XPNPEP2: variants seen among roughly 807,000 people sequenced by gnomAD.
XPNPEP2 encodes xaa-Pro aminopeptidase 2.
A neutral mutation model predicts 59.8 loss-of-function variants in XPNPEP2; 64 were observed. The observed-to-expected ratio is 1.07, with a 90% confidence interval of 0.87 to 1.32. The LOEUF (loss-of-function observed/expected upper bound fraction) is 1.32. Ranked by LOEUF, XPNPEP2 falls within the 40% of genes most tolerant of loss-of-function variation. The probability of loss-of-function intolerance (pLI) is 0.00; values close to 1 mark genes in which losing one functional copy is unlikely to be tolerated. For missense variants in XPNPEP2, 575 were observed against 546.8 expected (o/e 1.05, Z -0.51); for synonymous variants, 235 against 210.0 (o/e 1.12, Z -1.03).
intron 14 of XPNPEP2, among the ~76,000 whole-genome samples, chrX:129,757,895 GAAAGAAA>G (rs1926577671): frequency 7.3e-5 from 1 of 13,771 alleles, no homozygotes; most frequent in Admixed American, 5.3e-4. Flanking sequence ...GAGAGAGAGA[GAAAGAAA>G]GAAAGAAAGA....
At chrX:129,752,868 A>T (rs1926446372) in intron 10 of XPNPEP2, among the ~76,000 whole-genome samples, 1 of 112,568 alleles carries the variant, frequency 8.9e-6, no homozygotes, top group Non-Finnish European at 1.9e-5. Flanking sequence ...ACTCTGATCC[A>T]TCCCAGAGTG....
At chrX:129,761,407 T>C (rs976452454) in intron 17 of XPNPEP2, 131 bp downstream of exon 17, 1 of 541,447 alleles carries the variant, frequency 1.8e-6, no homozygotes, top group Non-Finnish European at 2.9e-6. Flanking sequence ...GTTACCCAGC[T>C]CCACAGGGTA....
chrX:129,769,135 G>A lies in XPNPEP2; in HGVS notation c.*650G>A, dbSNP rs914588742. On this transcript the variant is annotated 3_prime_UTR_variant, in exon 21 of 21. Coordinates refer to ENST00000371106, the MANE Select transcript of XPNPEP2 (RefSeq NM_003399.6). Reference sequence around the variant, plus strand: ...GAACAAACTTGGGCAGCCGGAACCCGTCACTATTCTAGACTTCCCTGGCAT... The same window carrying A: ...GAACAAACTTGGGCAGCCGGAACCCATCACTATTCTAGACTTCCCTGGCAT... 5.3e-5 allele frequency: 6 copies of A among 112,514 alleles called. No homozygotes were observed. The highest frequency in any genetic ancestry group is 1.1e-4 in the Non-Finnish European group (6 of 53,283). 9.3% of individuals were successfully genotyped at this position (112,514 alleles called of 1,213,427 possible).
intron 1 of XPNPEP2, 34 bp from the exon 2 acceptor site, chrX:129,742,074 C>T (rs1006203512): frequency 8.4e-7 from 1 of 1,194,981 alleles, no homozygotes; most frequent in Non-Finnish European, 1.1e-6. Flanking sequence ...TAGCTGGTCC[C>T]CAAATGACCC....
chrX:129,759,136 C>T (rs1304843289), intron 14 of XPNPEP2, 44 bp from the exon 15 acceptor site: 2 of 1,206,171 alleles, frequency 1.7e-6, no homozygotes, highest in African/African-American at 3.5e-5. Context: ...TGGCCCCAGT[C>T]CCTAGCCCCA....
Position 129,746,302 on chromosome X carries a change from A to C in XPNPEP2, c.365A>C (p.Glu122Ala), listed in dbSNP as rs750944885. ...WTDSRYWTQA[E>A]RQMDCNWELH... Reference sequence around the variant, plus strand: ...GACAGTCGCTACTGGACTCAGGCTGAGCGGCAGATGGACTGCAACTGGGAG... The same window carrying C: ...GACAGTCGCTACTGGACTCAGGCTGCGCGGCAGATGGACTGCAACTGGGAG... Residue 122 changes from glutamate to alanine, a missense_variant, in exon 5 of 21, where the codon GAG becomes GCG. Glu to Ala is a moderately radical substitution (Grantham distance 107). Transcript: ENST00000371106. The C allele has an allele frequency of 1.7e-6, 2 of 1,211,148 alleles. No individual in the cohort carries two copies. The highest frequency in any genetic ancestry group is 2.2e-6 in the Non-Finnish European group (2 of 895,507).
At chrX:129,755,958 G>C (rs1456458798) in intron 13 of XPNPEP2, among the ~76,000 whole-genome samples, 3 of 111,987 alleles carry the variant, frequency 2.7e-5, no homozygotes, top group Non-Finnish European at 3.8e-5. Flanking sequence ...GTGGCAGGGT[G>C]GGTGCTCCTC....
intron 10 of XPNPEP2, among the ~76,000 whole-genome samples, 191 bp from the exon 11 acceptor site, chrX:129,752,968 A>C (rs1771601): frequency 0.14 from 15,949 of 111,786 alleles, 1,787 homozygotes; most frequent in African/African-American, 0.38. Flanking sequence ...GTTCAGCTGG[A>C]CGTGGAAAAC....
intron 16 of XPNPEP2, among the ~76,000 whole-genome samples, chrX:129,760,904 A>G (rs1040822425): frequency 8.9e-6 from 1 of 112,037 alleles, no homozygotes; most frequent in African/African-American, 3.3e-5. Flanking sequence ...ACAGATGGGG[A>G]GAAATTACAG....
At chrX:129,743,739 A>G (rs1926241909) in intron 2 of XPNPEP2, among the ~76,000 whole-genome samples, 1 of 109,813 alleles carries the variant, frequency 9.1e-6, no homozygotes, top group South Asian at 3.9e-4. Context: ...AAACTCTCCA[A>G]CACCTCCATC....
intron 1 of XPNPEP2, 125 bp from the exon 2 acceptor site, chrX:129,741,983 G>C (rs1490168980): frequency 5.3e-6 from 3 of 561,168 alleles, no homozygotes; most frequent in Non-Finnish European, 9.0e-6. Context: ...TCCTCAAGTA[G>C]AGCTGGCCAG....
Position 129,769,103 on chromosome X carries a change from G to A in XPNPEP2, c.*618G>A, listed in dbSNP as rs1364608726. 1 of 112,532 alleles carries A rather than the reference G, an allele frequency of 8.9e-6. No homozygotes were observed. 9.3% of individuals were successfully genotyped at this position (112,532 alleles called of 1,213,427 possible). On this transcript the variant is annotated 3_prime_UTR_variant, in exon 21 of 21. Coordinates refer to ENST00000371106, the MANE Select transcript of XPNPEP2 (RefSeq NM_003399.6). ...CACTCTGGAATATGACCCTACCAGA[G>A]GTTGGAGAACAAACTTGGGCAGCCG... is the stretch of plus-strand genomic sequence containing the variant.
intron 2 of XPNPEP2, among the ~76,000 whole-genome samples, chrX:129,742,401 C>T (rs2124012475): frequency 9.3e-6 from 1 of 107,149 alleles, no homozygotes; most frequent in South Asian, 4.3e-4. Context: ...CATCAGTGCC[C>T]TCCCCTCCCT....
intron 3 of XPNPEP2, 54 bp downstream of exon 3, chrX:129,744,125 C>T: frequency 9.6e-7 from 1 of 1,042,031 alleles, no homozygotes; most frequent in Non-Finnish European, 1.3e-6. Flanking sequence ...GGTCAGAGAC[C>T]ACAAACAGGA....
intron 7 of XPNPEP2, chrX:129,748,014 C>T: frequency 2.4e-6 from 1 of 414,908 alleles, no homozygotes; most frequent in Non-Finnish European, 4.2e-6. Flanking sequence ...CAAGATGGAG[C>T]AGGAAGGGAG....
rs1926408958 is a variant in XPNPEP2 at position 129,751,583 on chromosome X, AAAGAAAGAAAGAAAGGAAGGAAGGAAGG to A, written c.740-158_740-131del. Among the ~76,000 whole-genome samples the A allele has an allele frequency of 6.8e-4, 50 of 73,491 alleles. 1 individual carries two copies. Among genetic ancestry groups the A allele is most frequent in the African/African-American group, 1.7e-3 (29 of 16,955 alleles). 63.8% of individuals were successfully genotyped at this position (73,491 alleles called of 115,157 possible). A position where few individuals can be genotyped will look rare whatever the true frequency, so the allele number is the denominator to read the frequency against. On this transcript the variant is annotated intron_variant, in intron 8 of 20. Coordinates refer to ENST00000371106, the MANE Select transcript of XPNPEP2 (RefSeq NM_003399.6). ...GAAAGAAAGAAAGAAAGAAAGAAAG[AAAGAAAGAAAGAAAGGAAGGAAGGAAGG>A]AAGGAAGGAAGGAAGGAAGGAAGGA...
intron 17 of XPNPEP2, 27 bp from the exon 18 acceptor site, chrX:129,761,979 A>T: frequency 1.7e-6 from 2 of 1,208,380 alleles, no homozygotes; most frequent in Non-Finnish European, 2.2e-6. Context: ...AGGAGAACTG[A>T]TACCATGTTT....
rs981203099 is a variant in XPNPEP2, at chrX:129,743,979, G to C, written c.142G>C (p.Val48Leu). 1.7e-6 allele frequency: 2 copies of C among 1,211,357 alleles called. No individual in the cohort carries two copies. Among genetic ancestry groups the C allele is most frequent in the East Asian group, 3.0e-5 (1 of 33,858 alleles). ...TNPPYLPVTVVNTTMSLTALR... is the reference protein window; with the variant it reads ...TNPPYLPVTVLNTTMSLTALR... ...CTGTCAGTACCTTCCAGTTACTGTG[G>C]TCAATACCACAATGTCACTCACAGC... Residue 48 changes from valine (V) to leucine (L), a missense_variant, in exon 3 of 21, where the codon GTC becomes CTC. Transcript: ENST00000371106.
At chrX:129,756,283 C>T (rs1926515916) in intron 13 of XPNPEP2, among the ~76,000 whole-genome samples, 1 of 111,595 alleles carries the variant, frequency 9.0e-6, no homozygotes, top group African/African-American at 3.3e-5. Flanking sequence ...CCTGGCTCAG[C>T]CAGGTGCAGG....
Sources: allele counts gnomAD v4.1 joint callset (sites outside exome capture counted in the v4.1 genomes callset), GRCh38; gene constraint gnomAD v4.1.1; transcripts MANE v1.5; gene names NCBI Gene and HGNC (gene_info 2026-07-23, HGNC 2026-07-21).